ECM2: variants seen among roughly 807,000 people sequenced by gnomAD.
ECM2 encodes extracellular matrix protein 2.
ECM2 carries 57 observed loss-of-function variants against 67.5 expected under a neutral mutation model. The ratio of observed to expected loss-of-function variants is 0.84; its 90% CI spans 0.68 to 1.05. The LOEUF (loss-of-function observed/expected upper bound fraction) is 1.05. ECM2 is among the 50% of genes least tolerant of loss of function. The pLI, the probability that ECM2 is intolerant of heterozygous loss-of-function variation, is 0.00. For synonymous variants in ECM2, 258 were observed against 294.5 expected, an observed-to-expected ratio of 0.88 and a Z score of 1.27; for missense variants, 741 against 822.8, an observed-to-expected ratio of 0.90 and a Z score of 1.22.
chr9:92,507,649 G>A (rs1485675678), intron 6 of ECM2, among the ~76,000 whole-genome samples: 2 of 152,156 alleles, frequency 1.3e-5, no homozygotes, highest in Admixed American at 6.5e-5. Context: ...TTCCTGGCAG[G>A]CAGCATCACA....
At position 92,495,779 on chromosome 9, in the gene ECM2, A is replaced by G; in HGVS notation, c.*536T>C. 1.1e-6 allele frequency: 1 copy of G among 949,740 alleles called. No individual in the cohort carries two copies. Among genetic ancestry groups the G allele is most frequent in the Non-Finnish European group, 1.3e-6 (1 of 797,494 alleles). The allele number at this position is 949,740 out of a possible 1,614,324, so 58.8% of individuals were successfully genotyped here. The stretch of plus-strand genomic sequence containing the variant: ...TTAATTTTACACATGTAATTAATGG[A>G]AGAAATGAAAGCTACCCCAATATTC... On this transcript the variant is annotated 3_prime_UTR_variant, in exon 10 of 10. Transcript: ENST00000344604.
the ECM2 span, among the ~76,000 whole-genome samples, chr9:92,542,808 G>A: frequency 1.2e-4 from 19 of 152,128 alleles, no homozygotes; most frequent in East Asian, 3.9e-4. Flanking sequence ...CACTGCGCCC[G>A]GCCCCCTATG....
At chr9:92,530,683 T>G (rs909094214) in intron 1 of ECM2, among the ~76,000 whole-genome samples, 7 of 152,204 alleles carry the variant, frequency 4.6e-5, no homozygotes, top group Non-Finnish European at 8.8e-5. Context: ...TGTCTAATAT[T>G]AATGTAGTTG....
At position 92,517,784 on chromosome 9, in the gene ECM2, A is replaced by T. The variant is rs775578427; in HGVS notation, c.384T>A (p.Asp128Glu). 1 of 1,614,108 alleles carries T rather than the reference A, an allele frequency of 6.2e-7. No individual in the cohort carries two copies. The highest frequency in any genetic ancestry group is 2.2e-5 in the East Asian group (1 of 44,898). Residue 128 changes from aspartate to glutamate, a missense_variant, in exon 3 of 10, where the codon GAT (aspartate) becomes GAA (glutamate). Physicochemically the swap from Asp to Glu is conservative, Grantham distance 45. Coordinates refer to ENST00000344604, the MANE Select transcript of ECM2 (RefSeq NM_001393.4). ...PEPCTTCLCS[D>E]GRVLCDETMC... ...TGGTTTCATCACAAAGAACTCTTCCATCTGAGCAGAGGCAGGTAGTGCAGG... is the reference window on the plus strand; with the variant it reads ...TGGTTTCATCACAAAGAACTCTTCCTTCTGAGCAGAGGCAGGTAGTGCAGG...
At chr9:92,523,302 T>C (rs1272749376) in intron 1 of ECM2, among the ~76,000 whole-genome samples, 1 of 152,182 alleles carries the variant, frequency 6.6e-6, no homozygotes, top group African/African-American at 2.4e-5. Flanking sequence ...CCTTTTTCTA[T>C]AAAGGGCCAG....
the ECM2 span, among the ~76,000 whole-genome samples, chr9:92,546,373 G>C: frequency 6.6e-6 from 1 of 152,150 alleles, no homozygotes; most frequent in African/African-American, 2.4e-5. Flanking sequence ...TTTGCTCTTT[G>C]CAATAAATCT....
chr9:92,548,599 T>C, the ECM2 span, among the ~76,000 whole-genome samples: 1 of 152,066 alleles, frequency 6.6e-6, no homozygotes, highest in Non-Finnish European at 1.5e-5. Flanking sequence ...CTTTATACAG[T>C]GAGATAATGA....
chr9:92,524,136 C>G (rs1009211737), intron 1 of ECM2, among the ~76,000 whole-genome samples: 10 of 152,180 alleles, frequency 6.6e-5, no homozygotes, highest in African/African-American at 2.4e-4. Context: ...TAATCCACAA[C>G]CCATTTTCCC....
intron 1 of ECM2, among the ~76,000 whole-genome samples, chr9:92,530,904 G>A (rs1300345891): frequency 6.6e-6 from 1 of 152,026 alleles, no homozygotes; most frequent in African/African-American, 2.4e-5. Flanking sequence ...AGTACCCAAT[G>A]TTTAGCTCTT....
chr9:92,545,368 G>A, the ECM2 span, among the ~76,000 whole-genome samples: 4 of 152,218 alleles, frequency 2.6e-5, no homozygotes, highest in African/African-American at 7.2e-5. Flanking sequence ...TACTGGGAGC[G>A]GGCAGTGAGG....
At chr9:92,532,017 T>TTTG (rs1563990186) in intron 1 of ECM2, among the ~76,000 whole-genome samples, 1 of 123,916 alleles carries the variant, frequency 8.1e-6, no homozygotes, top group African/African-American at 3.8e-5. Flanking sequence ...TATTTAATGT[T>TTTG]TTTTTTTTTT....
At chr9:92,506,924 T>C (rs886311899) in intron 6 of ECM2, among the ~76,000 whole-genome samples, 1 of 152,086 alleles carries the variant, frequency 6.6e-6, no homozygotes, top group African/African-American at 2.4e-5. Flanking sequence ...TTATTTTATT[T>C]AGAGACAGAG....
intron 3 of ECM2, chr9:92,517,254 T>A (rs866616674): frequency 1.9e-5 from 4 of 206,724 alleles, no homozygotes; most frequent in African/African-American, 9.4e-5. Context: ...GGGTTGGGGC[T>A]TTGTTCTCTT....
chr9:92,557,401 TC>T, the ECM2 span, among the ~76,000 whole-genome samples: 3 of 152,218 alleles, frequency 2.0e-5, no homozygotes, highest in Non-Finnish European at 4.4e-5. Context: ...CCTCAATTAT[TC>T]CCCCAAATAT....
the ECM2 span, among the ~76,000 whole-genome samples, chr9:92,551,968 G>A: frequency 1.0e-5 from 1 of 97,946 alleles, no homozygotes; most frequent in African/African-American, 5.8e-5. Flanking sequence ...ATATATGTGT[G>A]ATATATATGT....
chr9:92,512,302 G>A (rs546631933), intron 4 of ECM2, among the ~76,000 whole-genome samples, 176 bp from the exon 5 acceptor site: 4 of 152,260 alleles, frequency 2.6e-5, no homozygotes, highest in African/African-American at 9.6e-5. Context: ...AAAGTAACAA[G>A]CTGGAAATAG....
chr9:92,519,817 T>G (rs891018021), intron 2 of ECM2, among the ~76,000 whole-genome samples: 1 of 152,020 alleles, frequency 6.6e-6, no homozygotes, highest in African/African-American at 2.4e-5. Flanking sequence ...AAATTAGACT[T>G]TATCAAAATT....
At chr9:92,555,780 T>C in the ECM2 span, among the ~76,000 whole-genome samples, 11 of 152,324 alleles carry the variant, frequency 7.2e-5, no homozygotes, top group Non-Finnish European at 1.0e-4. Flanking sequence ...TTTTCTCTCT[T>C]CTTTTCATCA....
chr9:92,503,649 T>C (rs1379644843), intron 7 of ECM2, among the ~76,000 whole-genome samples: 1 of 152,238 alleles, frequency 6.6e-6, no homozygotes, highest in Non-Finnish European at 1.5e-5. Context: ...TGTTCTCTTG[T>C]TAGAATTCAG....
Sources: allele counts gnomAD v4.1 joint callset (sites outside exome capture counted in the v4.1 genomes callset), GRCh38; gene constraint gnomAD v4.1.1; transcripts MANE v1.5; gene names NCBI Gene and HGNC (gene_info 2026-07-23, HGNC 2026-07-21).